Variants in ANKRD30B observed in about 807,000 individuals in gnomAD.
ANKRD30B encodes the protein ankyrin repeat domain-containing protein 30B.
In ANKRD30B, 144 loss-of-function variants were observed where a neutral mutation model predicts 202.2. That is an observed-to-expected ratio of 0.71 (90% CI 0.62 to 0.82). The LOEUF is 0.82. Ranked by LOEUF, ANKRD30B falls within the 40% of genes least tolerant of loss-of-function variation. The pLI is 0.00. For missense variants in ANKRD30B, 1,487 were observed against 1,669.1 expected (o/e 0.89, Z 1.90); for synonymous variants, 508 against 561.3 (o/e 0.91, Z 1.34).
At chr18:14,841,805 G>C (rs1325839190) in intron 37 of ANKRD30B, among the ~76,000 whole-genome samples, 1 of 152,098 alleles carries the variant, frequency 6.6e-6, no homozygotes, top group Non-Finnish European at 1.5e-5. Context: ...TTAGATTGTG[G>C]GTACTCCAGA....
At chr18:14,869,925 C>T in the ANKRD30B span, among the ~76,000 whole-genome samples, 1 of 151,666 alleles carries the variant, frequency 6.6e-6, no homozygotes, top group Non-Finnish European at 1.5e-5. Context: ...ACCTCTGCCT[C>T]CTGGGTTCAA....
rs749121887 is a variant in ANKRD30B at position 14,787,029 on chromosome 18, C to G, written c.1673-10C>G. On this transcript the variant is annotated splice_polypyrimidine_tract_variant and intron_variant, in intron 14 of 43. Transcript: ENST00000690538. ...TTCTCATGAATACATCTGTGATTAA[C>G]CTTTTATAGCTCAGATGTTCCCATC... 1.2e-6 allele frequency: 2 copies of G among 1,605,288 alleles called. No homozygotes were observed. Among genetic ancestry groups the G allele is most frequent in the Non-Finnish European group, 8.5e-7 (1 of 1,175,274 alleles).
chr18:14,799,630 G>C (rs1169917874), intron 22 of ANKRD30B, among the ~76,000 whole-genome samples: 1 of 152,068 alleles, frequency 6.6e-6, no homozygotes, highest in African/African-American at 2.4e-5. Context: ...ATGCTGACTG[G>C]AATTCTGATC....
intron 22 of ANKRD30B, among the ~76,000 whole-genome samples, chr18:14,800,458 G>A (rs1320800658): frequency 2.0e-5 from 3 of 150,774 alleles, no homozygotes; most frequent in African/African-American, 7.4e-5. Context: ...CCAAGTAGCT[G>A]GGAATCCAGA....
intron 40 of ANKRD30B, 58 bp downstream of exon 40, chr18:14,848,987 A>G: frequency 7.3e-7 from 1 of 1,369,922 alleles, no homozygotes. Context: ...AGTATGTAGG[A>G]TACTTTTTGT....
At chr18:14,847,550 C>T (rs568288522) in intron 39 of ANKRD30B, among the ~76,000 whole-genome samples, 1 of 116,794 alleles carries the variant, frequency 8.6e-6, no homozygotes, top group South Asian at 2.6e-4. Flanking sequence ...CATATCTACT[C>T]AGTGTAGCTT....
chr18:14,766,376 G>A lies in ANKRD30B; in HGVS notation c.1225+2286G>A, dbSNP rs1916153772. ...TAGTTCCAGCTACTCAGGAGGCTGAGGCAGGAGAATGGCATGAACCCAGGA... is the reference window on the plus strand; with the variant it reads ...TAGTTCCAGCTACTCAGGAGGCTGAAGCAGGAGAATGGCATGAACCCAGGA... On this transcript the variant is annotated intron_variant, in intron 7 of 43. Coordinates refer to ENST00000690538, the MANE Select transcript of ANKRD30B (RefSeq NM_001367607.2). Among the ~76,000 whole-genome samples, 7 of 150,568 alleles carry A rather than the reference G, an allele frequency of 4.6e-5. No individual in the cohort carries two copies. In the South Asian group the frequency reaches 1.5e-3, roughly 32 times the overall value.
chr18:14,879,857 C>A, the ANKRD30B span, among the ~76,000 whole-genome samples: 1 of 148,670 alleles, frequency 6.7e-6, no homozygotes, highest in Non-Finnish European at 1.5e-5. Flanking sequence ...TGACTGTTTC[C>A]TTTGCAATGC....
intron 9 of ANKRD30B, 28 bp downstream of exon 9, chr18:14,772,256 T>C: frequency 7.2e-7 from 1 of 1,387,730 alleles, no homozygotes; most frequent in Non-Finnish European, 9.8e-7. Flanking sequence ...GAAGTTGATT[T>C]TCTCAGTTGC....
chr18:14,924,988 G>A, the ANKRD30B span, among the ~76,000 whole-genome samples: 820 of 152,332 alleles, frequency 5.4e-3, 6 homozygotes, highest in African/African-American at 0.019. Context: ...GTAGAACAGG[G>A]CAGTTATGAG....
the ANKRD30B span, among the ~76,000 whole-genome samples, chr18:14,864,459 C>A: frequency 6.6e-6 from 1 of 151,976 alleles, no homozygotes; most frequent in Non-Finnish European, 1.5e-5. Flanking sequence ...TTTTCCTGAC[C>A]GTCTTTGGCT....
the ANKRD30B span, among the ~76,000 whole-genome samples, chr18:14,894,524 C>A: frequency 1.3e-5 from 2 of 151,804 alleles, no homozygotes; most frequent in Non-Finnish European, 2.9e-5. Flanking sequence ...GCTGTGCTAG[C>A]ATGATAACTA....
At chr18:14,799,421 T>G (rs1417774554) in intron 22 of ANKRD30B, 126 bp downstream of exon 22, 1 of 994,292 alleles carries the variant, frequency 1.0e-6, no homozygotes, top group African/African-American at 1.6e-5. Context: ...GATAAAATAA[T>G]GGCAACATTA....
chr18:14,855,394 TG>T (rs1415279706), downstream of ANKRD30B, among the ~76,000 whole-genome samples: 1 of 152,254 alleles, frequency 6.6e-6, no homozygotes, highest in Non-Finnish European at 1.5e-5. Context: ...ATCATCATCA[TG>T]GTCCGTTCCC....
chr18:14,924,762 AAC>A, the ANKRD30B span, among the ~76,000 whole-genome samples: 1 of 152,222 alleles, frequency 6.6e-6, no homozygotes, highest in African/African-American at 2.4e-5. Flanking sequence ...ATGCAAACTA[AAC>A]ACAGAGGGAT....
chr18:14,849,922 A>T (rs1456035970), intron 40 of ANKRD30B, among the ~76,000 whole-genome samples: 1 of 150,976 alleles, frequency 6.6e-6, no homozygotes. Context: ...AATAATTTTC[A>T]ACTTATAAAT....
the ANKRD30B span, among the ~76,000 whole-genome samples, chr18:14,861,474 T>C: frequency 6.6e-6 from 1 of 150,928 alleles, no homozygotes; most frequent in Non-Finnish European, 1.5e-5. Context: ...ATTGCTATTC[T>C]TGTATCAGAT....
chr18:14,901,878 C>T, the ANKRD30B span, among the ~76,000 whole-genome samples: 7 of 152,130 alleles, frequency 4.6e-5, no homozygotes, highest in South Asian at 2.1e-4. Context: ...TGGCCTGATA[C>T]GTTGTCTACA....
At position 14,854,496 on chromosome 18, in the gene ANKRD30B, T is replaced by A. The variant is rs1475007879; in HGVS notation, c.*338T>A. ...TCCAGAAATGAATCCTTATCATGAATCCCTGACACGTTCAGTGTTTTCAGT... is the reference window on the plus strand; with the variant it reads ...TCCAGAAATGAATCCTTATCATGAAACCCTGACACGTTCAGTGTTTTCAGT... On this transcript the variant is annotated 3_prime_UTR_variant, in exon 44 of 44. Coordinates refer to ENST00000690538, the MANE Select transcript of ANKRD30B (RefSeq NM_001367607.2). Among the ~76,000 whole-genome samples the A allele has an allele frequency of 6.6e-6, 1 of 152,156 alleles. No individual in the cohort carries two copies. The highest frequency in any genetic ancestry group is 2.1e-4 in the South Asian group (1 of 4,832).
Sources: allele counts gnomAD v4.1 joint callset (sites outside exome capture counted in the v4.1 genomes callset), GRCh38; gene constraint gnomAD v4.1.1; transcripts MANE v1.5; gene names NCBI Gene and HGNC (gene_info 2026-07-23, HGNC 2026-07-21).